FOXF1: variants seen among roughly 807,000 people sequenced by gnomAD.
The protein encoded by FOXF1 is forkhead box protein F1.
Under a neutral mutation model 26.6 loss-of-function variants are expected in FOXF1, and 9 were observed. That is an observed-to-expected ratio of 0.34 (90% CI 0.20 to 0.59). The LOEUF is 0.59. FOXF1 is among the 20% of genes least tolerant of loss of function. FOXF1 has a pLI of 0.83. For synonymous variants in FOXF1, 330 were observed against 257.7 expected (o/e 1.28, Z -2.69); for missense variants, 499 against 549.9 (o/e 0.91, Z 0.93).
At position 86,511,115 on chromosome 16, in the gene FOXF1, G is replaced by T. The variant is rs1421669958; in HGVS notation, c.546G>T (p.Pro182=). 6.2e-7 allele frequency: 1 copy of T among 1,604,762 alleles called. No individual in the cohort carries two copies. Among genetic ancestry groups the T allele is most frequent in the East Asian group, 2.2e-5 (1 of 44,824 alleles). The change falls in exon 1 of 2, where the codon CCG becomes CCT. Residue 182 remains proline (P), a synonymous_variant. Transcript: ENST00000262426. ...GCTCGGCCGGCGGCCTCTCGTGCCC[G>T]CCCAACAGCCTGGCGCTGGAGGGCG... ...FQGSAGGLSC[P]PNSLALEGGL...
Position 86,512,796 on chromosome 16 carries a change from G to C in FOXF1, c.980-129G>C, listed in dbSNP as rs1048983062. Reference sequence around the variant, plus strand: ...GACTCGGGGAGGAGAGCGGGGAGGCGGCCGTGCTCTGGAGCCAGGCTGACA... The same window carrying C: ...GACTCGGGGAGGAGAGCGGGGAGGCCGCCGTGCTCTGGAGCCAGGCTGACA... On this transcript the variant is annotated intron_variant, in intron 1 of 1. Coordinates refer to ENST00000262426, the MANE Select transcript of FOXF1 (RefSeq NM_001451.3). The C allele has an allele frequency of 1.0e-5, 11 of 1,063,500 alleles. No individual in the cohort carries two copies. The East Asian group carries it at 1.5e-4, about 15-fold the overall frequency. 65.9% of individuals were successfully genotyped at this position (1,063,500 alleles called of 1,614,324 possible).
At chr16:86,511,643 C>A (rs1001689004) in intron 1 of FOXF1, 95 bp downstream of exon 1, 2 of 1,521,176 alleles carry the variant, frequency 1.3e-6, no homozygotes, top group Admixed American at 2.0e-5. Context: ...CTTCTGTGGT[C>A]GGAACCCCAA....
Position 86,513,938 on chromosome 16 carries a change from C to G in FOXF1, c.*853C>G, listed in dbSNP as rs547552165. 1 of 152,274 alleles carries G rather than the reference C, an allele frequency of 6.6e-6. No homozygotes were observed. The highest frequency in any genetic ancestry group is 1.9e-4 in the East Asian group (1 of 5,206). 9.4% of individuals were successfully genotyped at this position (152,274 alleles called of 1,614,324 possible). A position where few individuals can be genotyped will look rare whatever the true frequency, so the allele number is the denominator to read the frequency against. On this transcript the variant is annotated 3_prime_UTR_variant, in exon 2 of 2. Coordinates refer to ENST00000262426, the MANE Select transcript of FOXF1 (RefSeq NM_001451.3). ...TGGTCCGAGAACGAGCCGAACACAGCGCGACGCAGGGACTAGGACGGCCCG... is the reference window on the plus strand; with the variant it reads ...TGGTCCGAGAACGAGCCGAACACAGGGCGACGCAGGGACTAGGACGGCCCG...
chr16:86,511,496 G>T lies in FOXF1; in HGVS notation c.927G>T (p.Leu309=), dbSNP rs375348663. The change falls in exon 1 of 2, where the codon CTG becomes CTT. Residue 309 remains leucine, a synonymous_variant. Transcript: ENST00000262426. The part of the protein sequence containing the change: ...PLSGSLSTHS[L]EQPYLHQNSH... ...CCGGCAGCCTCTCCACGCACTCCCT[G>T]GAGCAGCCGTATCTGCACCAGAACA... The T allele has an allele frequency of 1.2e-4, 194 of 1,584,346 alleles. No individual in the cohort carries two copies. The African/African-American group carries it at 2.4e-3, about 19-fold the overall frequency.
intron 1 of FOXF1, 44 bp downstream of exon 1, chr16:86,511,592 G>T (rs768016819): frequency 6.5e-7 from 1 of 1,549,080 alleles, no homozygotes; most frequent in South Asian, 1.2e-5. Context: ...GGGAAGTCGA[G>T]TCTGAGTGGC....
chr16:86,513,049 G>A lies in FOXF1; in HGVS notation c.1104G>A (p.Gln368=). 8 of 1,613,212 alleles carry A rather than the reference G, an allele frequency of 5.0e-6. No individual in the cohort carries two copies. The highest frequency in any genetic ancestry group is 6.8e-6 in the Non-Finnish European group (8 of 1,180,028). Residue 368 remains glutamine (Q), a synonymous_variant, in exon 2 of 2, where the codon CAG becomes CAA. Coordinates refer to ENST00000262426, the MANE Select transcript of FOXF1 (RefSeq NM_001451.3). ...GCGGGGGCTCCTACTACCACCAGCA[G>A]GTCACCTACCAAGACATCAAGCCTT... ...SAGGGSYYHQ[Q]VTYQDIKPCV... is the part of the protein sequence containing the mutation.
rs1969629854 is a variant in FOXF1 at position 86,515,365 on chromosome 16, GCT to G, written c.*2283_*2284del. 1 of 152,168 alleles carries G rather than the reference GCT, an allele frequency of 6.6e-6. No homozygotes were observed. Among genetic ancestry groups the G allele is most frequent in the African/African-American group, 2.4e-5 (1 of 41,432 alleles). 9.4% of individuals were successfully genotyped at this position (152,168 alleles called of 1,614,324 possible). Reference sequence around the variant, plus strand: ...TGGACGTGGGGGTAATTTCTCCGGTGCTCTGTTACATCAAAATTATCAATAAA... The same window carrying G: ...TGGACGTGGGGGTAATTTCTCCGGTGCTGTTACATCAAAATTATCAATAAA... On this transcript the variant is annotated 3_prime_UTR_variant, in exon 2 of 2. Transcript: ENST00000262426. The surrounding 1 kb of genome is among the most constrained non-coding windows in gnomAD (Gnocchi z 4.1).
At position 86,511,111 on chromosome 16, in the gene FOXF1, G is replaced by T; in HGVS notation, c.542G>T (p.Cys181Phe). Residue 181 changes from cysteine (C) to phenylalanine (F), a missense_variant, in exon 1 of 2, where the codon TGC becomes TTC. This residue lies in a region of FOXF1 where 367 missense variants were observed against 324.8 expected (regional missense o/e 1.13). Coordinates refer to ENST00000262426, the MANE Select transcript of FOXF1 (RefSeq NM_001451.3). ...GFQGSAGGLSCPPNSLALEGG... is the reference protein window; with the variant it reads ...GFQGSAGGLSFPPNSLALEGG... ...CAGGGCTCGGCCGGCGGCCTCTCGT[G>T]CCCGCCCAACAGCCTGGCGCTGGAG... 6.2e-7 allele frequency: 1 copy of T among 1,605,052 alleles called. No individual in the cohort carries two copies.
rs777346198 is a variant in FOXF1, at chr16:86,514,608, C to G, written c.*1523C>G. 2.0e-5 allele frequency: 3 copies of G among 152,108 alleles called. No homozygotes were observed. The highest frequency in any genetic ancestry group is 4.4e-5 in the Non-Finnish European group (3 of 68,030). The allele number at this position is 152,108 out of a possible 1,614,324, so 9.4% of individuals were successfully genotyped here. ...CTTTTTTCTTTTTTGGCAAATCCTC[C>G]TCTTTTCACTCTTCATTCCACTTTG... On this transcript the variant is annotated 3_prime_UTR_variant, in exon 2 of 2. Transcript: ENST00000262426.
At position 86,511,330 on chromosome 16, in the gene FOXF1, G is replaced by C. The variant is rs900421478; in HGVS notation, c.761G>C (p.Gly254Ala). Reference sequence around the variant, plus strand: ...TCCCCGCTGCTGCCCACCGGCGCCGGTGGGGTCATGGAGCCGCACGCCGTC... The same window carrying C: ...TCCCCGCTGCTGCCCACCGGCGCCGCTGGGGTCATGGAGCCGCACGCCGTC... ...PASPLLPTGA[G>A]GVMEPHAVYS... Residue 254 changes from glycine (G) to alanine (A), a missense_variant, in exon 1 of 2, where the codon GGT (glycine) becomes GCT (alanine). Around this residue, in one of 5 missense-constraint regions of FOXF1, gnomAD observed 367 missense variants for 324.8 expected, o/e 1.13. Transcript: ENST00000262426. The C allele has an allele frequency of 3.3e-6, 5 of 1,527,166 alleles. No individual in the cohort carries two copies. The African/African-American group carries it at 7.0e-5, about 21-fold the overall frequency. The allele number at this position is 1,527,166 out of a possible 1,614,324, so 94.6% of individuals were successfully genotyped here. A position where few individuals can be genotyped will look rare whatever the true frequency, so the allele number is the denominator to read the frequency against.
chr16:86,513,392 GC>G lies in FOXF1; in HGVS notation c.*312del, dbSNP rs199819940. ...CTGAGACGGTGCTGTGCAGGGGAAAGCCCCCGCACCCACACAGGAATTCTGC... is the reference window on the plus strand; with the variant it reads ...CTGAGACGGTGCTGTGCAGGGGAAAGCCCCGCACCCACACAGGAATTCTGC... On this transcript the variant is annotated 3_prime_UTR_variant, in exon 2 of 2. Transcript: ENST00000262426. 4 of 355,842 alleles carry G rather than the reference GC, an allele frequency of 1.1e-5. No individual in the cohort carries two copies. Among genetic ancestry groups the G allele is most frequent in the Non-Finnish European group, 9.8e-6 (2 of 204,766 alleles). The allele number at this position is 355,842 out of a possible 1,614,324, so 22.0% of individuals were successfully genotyped here. A position where few individuals can be genotyped will look rare whatever the true frequency, so the allele number is the denominator to read the frequency against.
At chr16:86,512,880 T>C in intron 1 of FOXF1, 45 bp from the exon 2 acceptor site, 6 of 1,611,892 alleles carry the variant, frequency 3.7e-6, no homozygotes, top group East Asian at 2.2e-5. Context: ...CCACCGTGGC[T>C]AACTCTTCTG....
At position 86,510,559 on chromosome 16, in the gene FOXF1, G is replaced by A; in HGVS notation, c.-11G>A. The A allele has an allele frequency of 7.6e-7, 1 of 1,319,486 alleles. No homozygotes were observed. 81.7% of individuals were successfully genotyped at this position (1,319,486 alleles called of 1,614,324 possible). A position where few individuals can be genotyped will look rare whatever the true frequency, so the allele number is the denominator to read the frequency against. Reference sequence around the variant, plus strand: ...AGCGGCGGCAGCGGCGGCGGCGGCAGCAGCCACCCGATGTCTTCGGCGCCC... The same window carrying A: ...AGCGGCGGCAGCGGCGGCGGCGGCAACAGCCACCCGATGTCTTCGGCGCCC... On this transcript the variant is annotated 5_prime_UTR_variant, in exon 1 of 2. Coordinates refer to ENST00000262426, the MANE Select transcript of FOXF1 (RefSeq NM_001451.3).
Position 86,513,114 on chromosome 16 carries a change from G to A in FOXF1, c.*29G>A, listed in dbSNP as rs770146985. On this transcript the variant is annotated 3_prime_UTR_variant, in exon 2 of 2. Transcript: ENST00000262426. ...TGCCGCCGCAGGCCCTCCTGGTGCA[G>A]GCAGGCGGGTCACAGGGACCCTGGA... 5 of 1,606,440 alleles carry A rather than the reference G, an allele frequency of 3.1e-6. No homozygotes were observed. The highest frequency in any genetic ancestry group is 2.2e-5 in the South Asian group (2 of 91,054).
At position 86,510,808 on chromosome 16, in the gene FOXF1, G is replaced by A. The variant is rs1220581663; in HGVS notation, c.239G>A (p.Ser80Asn). 16 of 1,614,046 alleles carry A rather than the reference G, an allele frequency of 9.9e-6. No individual in the cohort carries two copies. The highest frequency in any genetic ancestry group is 1.3e-5 in the Non-Finnish European group (15 of 1,180,048). ...TLSEIYQFLQ[S>N]RFPFFRGSYQ... ...AGCGAGATCTACCAGTTCCTGCAGAGCCGCTTCCCCTTCTTCCGGGGCTCC... is the reference window on the plus strand; with the variant it reads ...AGCGAGATCTACCAGTTCCTGCAGAACCGCTTCCCCTTCTTCCGGGGCTCC... The change falls in exon 1 of 2, where the codon AGC becomes AAC. Residue 80 changes from serine to asparagine, a missense_variant. Ser to Asn is a conservative substitution (Grantham distance 46). Around this residue, in one of 5 missense-constraint regions of FOXF1, gnomAD observed 20 missense variants for 56.1 expected, o/e 0.36. Transcript: ENST00000262426.
chr16:86,512,892 T>C lies in FOXF1; in HGVS notation c.980-33T>C, dbSNP rs1427987563. 11 of 1,613,036 alleles carry C rather than the reference T, an allele frequency of 6.8e-6. No individual in the cohort carries two copies. In the East Asian group the frequency reaches 2.2e-4, roughly 33 times the overall value. On this transcript the variant is annotated intron_variant, in intron 1 of 1. Transcript: ENST00000262426. ...GAGCCACCGTGGCTAACTCTTCTGC[T>C]CCCCCAACCCCTCCTGTCGCCTCGC...
chr16:86,513,343 A>G lies in FOXF1; in HGVS notation c.*258A>G, dbSNP rs984950290. 2 of 514,594 alleles carry G rather than the reference A, an allele frequency of 3.9e-6. No homozygotes were observed. Among genetic ancestry groups the G allele is most frequent in the African/African-American group, 3.9e-5 (2 of 51,832 alleles). 31.9% of individuals were successfully genotyped at this position (514,594 alleles called of 1,614,324 possible). A position where few individuals can be genotyped will look rare whatever the true frequency, so the allele number is the denominator to read the frequency against. ...CTGACTGCAGCCATCGGTAAATAAA[A>G]GTTTTTGATCCTGTTGAACCCGCCT... On this transcript the variant is annotated 3_prime_UTR_variant, in exon 2 of 2. Transcript: ENST00000262426.
At chr16:86,512,217 C>A (rs982559819) in intron 1 of FOXF1, among the ~76,000 whole-genome samples, 44 of 151,708 alleles carry the variant, frequency 2.9e-4, no homozygotes, top group African/African-American at 1.0e-3. Flanking sequence ...ACACCCCCAA[C>A]ACCCCTGATA....
Position 86,511,382 on chromosome 16 carries a change from G to A in FOXF1, c.813G>A (p.Pro271=), listed in dbSNP as rs773945518. The A allele has an allele frequency of 3.2e-6, 5 of 1,582,940 alleles. No homozygotes were observed. Among genetic ancestry groups the A allele is most frequent in the East Asian group, 4.5e-5 (2 of 44,066 alleles). The change falls in exon 1 of 2, where the codon CCG becomes CCA. Residue 271 remains proline (P), a synonymous_variant. Transcript: ENST00000262426. Reference sequence around the variant, plus strand: ...ACTCGGGCTCGGCGGCGGCCTGGCCGCCCTCGGCGTCCGCGGCGCTCAACA... The same window carrying A: ...ACTCGGGCTCGGCGGCGGCCTGGCCACCCTCGGCGTCCGCGGCGCTCAACA... ...AVYSGSAAAW[P]PSASAALNSG... is the part of the protein sequence containing the mutation.
Sources: allele counts gnomAD v4.1 joint callset (sites outside exome capture counted in the v4.1 genomes callset), GRCh38; gene constraint gnomAD v4.1.1; regional missense constraint gnomAD v4.1.1; non-coding constraint Gnocchi (gnomAD v3.1); transcripts MANE v1.5; gene names NCBI Gene and HGNC (gene_info 2026-07-23, HGNC 2026-07-21).